SNX29: variants seen among roughly 807,000 people sequenced by gnomAD.
The protein encoded by SNX29 is sorting nexin 29.
SNX29 carries 78 observed loss-of-function variants against 102.1 expected under a neutral mutation model. The ratio of observed to expected loss-of-function variants is 0.76; its 90% CI spans 0.64 to 0.92. The LOEUF (loss-of-function observed/expected upper bound fraction) is 0.92. Among genes scored for constraint, SNX29 ranks in the 40% least tolerant of loss-of-function variants. The probability of loss-of-function intolerance (pLI) is 0.00; values close to 1 mark genes in which losing one functional copy is unlikely to be tolerated. For synonymous variants in SNX29, 580 were observed against 414.5 expected (o/e 1.40, Z -4.85); for missense variants, 1,280 against 1,061.7 (o/e 1.21, Z -2.86).
chr16:12,422,583 C>T (rs1209823605), intron 18 of SNX29, among the ~76,000 whole-genome samples: 1 of 152,262 alleles, frequency 6.6e-6, no homozygotes, highest in Admixed American at 6.5e-5. Flanking sequence ...CTTGTCCCAA[C>T]ACCCACCTCC....
At chr16:12,175,417 T>C (rs1021197313) in intron 13 of SNX29, among the ~76,000 whole-genome samples, 4 of 151,436 alleles carry the variant, frequency 2.6e-5, no homozygotes, top group African/African-American at 7.3e-5. Context: ...TCACTTGAGG[T>C]CAGGAGTTCG....
At chr16:12,283,758 C>G (rs574993166) in intron 15 of SNX29, among the ~76,000 whole-genome samples, 8 of 152,194 alleles carry the variant, frequency 5.3e-5, no homozygotes. Flanking sequence ...GTGAGGCAGA[C>G]GTGCCTGTTC....
At chr16:12,392,597 T>C (rs972633755) in intron 16 of SNX29, among the ~76,000 whole-genome samples, 2 of 152,162 alleles carry the variant, frequency 1.3e-5, no homozygotes, top group African/African-American at 4.8e-5. Context: ...GAAAAACAAA[T>C]GTGTCAAAAA....
At chr16:12,127,275 A>G (rs540908565) in intron 12 of SNX29, among the ~76,000 whole-genome samples, 4 of 151,972 alleles carry the variant, frequency 2.6e-5, no homozygotes, top group Non-Finnish European at 5.9e-5. Context: ...AAAAAATAAA[A>G]TAAAATAAAA....
chr16:12,008,120 A>G (rs2056519609), intron 3 of SNX29, among the ~76,000 whole-genome samples: 1 of 151,704 alleles, frequency 6.6e-6, no homozygotes, highest in Non-Finnish European at 1.5e-5. Context: ...ATTTGTTTGT[A>G]TTTTTAGTAG....
At chr16:12,027,025 C>T (rs1032642358) in intron 3 of SNX29, among the ~76,000 whole-genome samples, 1 of 152,200 alleles carries the variant, frequency 6.6e-6, no homozygotes, top group African/African-American at 2.4e-5. Context: ...CTCTGCACCC[C>T]CGCCAGCTGG....
chr16:12,156,049 G>C (rs2055534577), intron 13 of SNX29, among the ~76,000 whole-genome samples: 1 of 152,218 alleles, frequency 6.6e-6, no homozygotes, highest in Admixed American at 6.5e-5. Flanking sequence ...TCTCTTTGCT[G>C]TTCCTTAACG....
chr16:12,321,983 G>A (rs959205018), intron 15 of SNX29, among the ~76,000 whole-genome samples: 8 of 152,274 alleles, frequency 5.3e-5, no homozygotes, highest in South Asian at 2.1e-4. Flanking sequence ...CGTGGTTCAC[G>A]TGATGGTGAA....
intron 18 of SNX29, among the ~76,000 whole-genome samples, chr16:12,452,428 G>C (rs1002795479): frequency 1.1e-4 from 16 of 152,280 alleles, no homozygotes; most frequent in African/African-American, 3.4e-4. Context: ...GCCAGGGACT[G>C]TGCTAAATGC....
chr16:12,314,998 C>G (rs184982486), intron 15 of SNX29, among the ~76,000 whole-genome samples: 8 of 152,210 alleles, frequency 5.3e-5, no homozygotes, highest in African/African-American at 1.9e-4. Flanking sequence ...CAAAATTGCT[C>G]TAGGGCTGGC....
At chr16:12,541,484 C>T (rs564905820) in intron 20 of SNX29, among the ~76,000 whole-genome samples, 1 of 152,112 alleles carries the variant, frequency 6.6e-6, no homozygotes, top group Non-Finnish European at 1.5e-5. Flanking sequence ...GGATCTCAGA[C>T]CCAGACCTCT....
chr16:12,447,400 C>T (rs979471963), intron 18 of SNX29, among the ~76,000 whole-genome samples: 2 of 152,094 alleles, frequency 1.3e-5, no homozygotes, highest in Admixed American at 6.5e-5. Flanking sequence ...AAAAACTATC[C>T]TGGTGTCCAG....
intron 19 of SNX29, among the ~76,000 whole-genome samples, chr16:12,515,849 C>G (rs7191558): frequency 0.12 from 17,898 of 152,102 alleles, 1,179 homozygotes; most frequent in Non-Finnish European, 0.15. Flanking sequence ...AACGCGAGTG[C>G]CAGTAACCAG....
intron 20 of SNX29, among the ~76,000 whole-genome samples, chr16:12,562,582 C>G (rs180766319): frequency 6.6e-6 from 1 of 152,184 alleles, no homozygotes; most frequent in African/African-American, 2.4e-5. Flanking sequence ...AGTTTTTACC[C>G]AGAGACGGGG....
At chr16:12,563,296 G>T (rs1481863887) in intron 20 of SNX29, among the ~76,000 whole-genome samples, 2 of 152,158 alleles carry the variant, frequency 1.3e-5, no homozygotes, top group South Asian at 2.1e-4. Context: ...CCACAGCTCG[G>T]AAAGTCTGCT....
At chr16:12,445,096 C>G (rs2085989256) in intron 18 of SNX29, among the ~76,000 whole-genome samples, 1 of 152,068 alleles carries the variant, frequency 6.6e-6, no homozygotes, top group South Asian at 2.1e-4. Flanking sequence ...AGTGATCTAC[C>G]CACCTCGGCC....
chr16:12,006,234 A>AATAATG (rs2056448891), intron 3 of SNX29, among the ~76,000 whole-genome samples: 1 of 150,890 alleles, frequency 6.6e-6, no homozygotes, highest in Non-Finnish European at 1.5e-5. Flanking sequence ...TAATAATAAT[A>AATAATG]GCCAGGCATG....
chr16:12,346,226 G>A (rs547163085), intron 15 of SNX29, among the ~76,000 whole-genome samples: 2 of 152,166 alleles, frequency 1.3e-5, no homozygotes, highest in African/African-American at 4.8e-5. Context: ...GGATGGAGGA[G>A]CGGGGACAGA....
At chr16:12,103,193 GA>G (rs371237530) in intron 11 of SNX29, among the ~76,000 whole-genome samples, 1 of 152,040 alleles carries the variant, frequency 6.6e-6, no homozygotes, top group African/African-American at 2.4e-5. Context: ...CACAGAATTA[GA>G]AAAAAACTGC....
Sources: allele counts gnomAD v4.1 joint callset (sites outside exome capture counted in the v4.1 genomes callset), GRCh38; gene constraint gnomAD v4.1.1; transcripts MANE v1.5; gene names NCBI Gene and HGNC (gene_info 2026-07-23, HGNC 2026-07-21).